Variants in DDX10 observed in about 807,000 individuals in gnomAD.
DDX10 encodes probable ATP-dependent RNA helicase DDX10.
A neutral mutation model predicts 104.3 loss-of-function variants in DDX10; 74 were observed. The ratio of observed to expected loss-of-function variants is 0.71; its 90% CI spans 0.59 to 0.86. The LOEUF (loss-of-function observed/expected upper bound fraction) is 0.86, where lower values mean the gene tolerates loss of function less well. DDX10 is among the 40% of genes least tolerant of loss of function. The probability of loss-of-function intolerance (pLI) is 0.00; values close to 1 mark genes in which losing one functional copy is unlikely to be tolerated. For missense variants in DDX10, 952 were observed against 1,040.0 expected (o/e 0.92, Z 1.16); for synonymous variants, 351 against 353.4 (o/e 0.99, Z 0.08).
chr11:108,852,178 C>T lies in DDX10; in HGVS notation c.2273C>T (p.Ala758Val). ...GAGAAAAGACTGAAAGAAAGGGAAGCCAGAAGAGAAGCCAACAAGAGACAA... is the reference window on the plus strand; with the variant it reads ...GAGAAAAGACTGAAAGAAAGGGAAGTCAGAAGAGAAGCCAACAAGAGACAA... Reference protein sequence around the residue: ...HREKRLKEREARREANKRQAK... With the variant: ...HREKRLKEREVRREANKRQAK... Residue 758 changes from alanine (A) to valine (V), a missense_variant, in exon 16 of 18, where the codon GCC becomes GTC. Physicochemically the swap from Ala to Val is moderately conservative, Grantham distance 64 (BLOSUM62 0). This residue lies in a region of DDX10 where 533 missense variants were observed against 534.1 expected (regional missense o/e 1.00). Coordinates refer to ENST00000322536, the MANE Select transcript of DDX10 (RefSeq NM_004398.4). The T allele has an allele frequency of 2.5e-6, 4 of 1,611,052 alleles. No individual in the cohort carries two copies. In the South Asian group the frequency reaches 4.4e-5, roughly 18 times the overall value.
At chr11:108,873,525 T>C (rs1258108342) in intron 16 of DDX10, among the ~76,000 whole-genome samples, 2 of 152,188 alleles carry the variant, frequency 1.3e-5, no homozygotes, top group African/African-American at 2.4e-5. Context: ...ATCTTTGTCT[T>C]GTAACATTGT....
intron 10 of DDX10, among the ~76,000 whole-genome samples, chr11:108,708,196 C>G (rs1274189389): frequency 3.5e-5 from 5 of 141,952 alleles, no homozygotes; most frequent in African/African-American, 1.4e-4. Context: ...TCCTCTATTC[C>G]TAGTTTACTG....
intron 16 of DDX10, among the ~76,000 whole-genome samples, chr11:108,892,454 C>G (rs1322067014): frequency 6.6e-6 from 1 of 152,100 alleles, no homozygotes; most frequent in East Asian, 1.9e-4. Context: ...TCCTTTATAG[C>G]ATCACAAACG....
At position 108,937,409 on chromosome 11, in the gene DDX10, TGG is replaced by T. The variant is rs561713791; in HGVS notation, c.2451-2834_2451-2833del. On this transcript the variant is annotated intron_variant, in intron 17 of 17. Transcript: ENST00000322536. Reference sequence around the variant, plus strand: ...CAATTTCTCGGATTATTTTGATGTTTGGGGTTTCAGAAAATTTAGAAATTCAG... The same window carrying T: ...CAATTTCTCGGATTATTTTGATGTTTGGTTTCAGAAAATTTAGAAATTCAG... Among the ~76,000 whole-genome samples the T allele has an allele frequency of 7.2e-5, 11 of 152,360 alleles. No individual in the cohort carries two copies. In the South Asian group the frequency reaches 2.3e-3, roughly 32 times the overall value.
intron 15 of DDX10, among the ~76,000 whole-genome samples, chr11:108,846,964 A>G (rs980925869): frequency 3.3e-5 from 5 of 152,206 alleles, no homozygotes; most frequent in Admixed American, 6.5e-5. Flanking sequence ...TGGATCATTT[A>G]GCAGCTTTAG....
intron 13 of DDX10, among the ~76,000 whole-genome samples, chr11:108,813,243 C>T (rs1294827593): frequency 6.6e-6 from 1 of 152,116 alleles, no homozygotes; most frequent in African/African-American, 2.4e-5. Context: ...CACTAATTCA[C>T]ATTTCTACTC....
chr11:108,751,983 C>T (rs190581749), intron 13 of DDX10, among the ~76,000 whole-genome samples: 2 of 152,124 alleles, frequency 1.3e-5, no homozygotes, highest in East Asian at 3.9e-4. Context: ...AGCTAGAGTT[C>T]TCTCCACCAT....
chr11:108,889,949 T>C (rs1403158762), intron 16 of DDX10, among the ~76,000 whole-genome samples: 2 of 152,236 alleles, frequency 1.3e-5, no homozygotes, highest in African/African-American at 4.8e-5. Flanking sequence ...AGGAATTTCA[T>C]TTCTTTTGTA....
chr11:108,884,376 C>T (rs560485659), intron 16 of DDX10, among the ~76,000 whole-genome samples: 1 of 152,262 alleles, frequency 6.6e-6, no homozygotes, highest in East Asian at 1.9e-4. Flanking sequence ...TGTTCTCCCC[C>T]AGTCTACATA....
intron 13 of DDX10, among the ~76,000 whole-genome samples, chr11:108,751,022 C>G (rs2094338095): frequency 6.9e-6 from 1 of 145,012 alleles, no homozygotes; most frequent in Non-Finnish European, 1.5e-5. Context: ...CTTCAAGCGA[C>G]CCTCCTGCCT....
At chr11:108,802,711 G>A (rs375051887) in intron 13 of DDX10, among the ~76,000 whole-genome samples, 5 of 152,240 alleles carry the variant, frequency 3.3e-5, no homozygotes, top group African/African-American at 1.2e-4. Flanking sequence ...AGACAGGTGT[G>A]TACTCTTATT....
intron 9 of DDX10, among the ~76,000 whole-genome samples, chr11:108,700,773 AT>A (rs1193403410): frequency 6.6e-6 from 1 of 152,024 alleles, no homozygotes; most frequent in Non-Finnish European, 1.5e-5. Flanking sequence ...GGTTAATTGT[AT>A]CTAACTCTTA....
At chr11:108,761,079 A>G (rs1291839934) in intron 13 of DDX10, among the ~76,000 whole-genome samples, 1 of 152,134 alleles carries the variant, frequency 6.6e-6, no homozygotes, top group East Asian at 1.9e-4. Context: ...ATAAAATGAA[A>G]ATAATTTTCG....
intron 16 of DDX10, among the ~76,000 whole-genome samples, chr11:108,911,507 G>A (rs1310337424): frequency 3.3e-5 from 5 of 150,422 alleles, no homozygotes; most frequent in African/African-American, 1.2e-4. Flanking sequence ...CATTCAGATA[G>A]GCTCTACTGT....
chr11:108,769,828 T>G (rs1407804024), intron 13 of DDX10, among the ~76,000 whole-genome samples: 2 of 152,190 alleles, frequency 1.3e-5, no homozygotes, highest in African/African-American at 4.8e-5. Flanking sequence ...CTATTGATAT[T>G]TACTGTATCA....
intron 16 of DDX10, among the ~76,000 whole-genome samples, chr11:108,917,354 A>G (rs1254279392): frequency 2.0e-5 from 3 of 152,198 alleles, no homozygotes; most frequent in East Asian, 1.9e-4. Context: ...TGAAACTTAC[A>G]TGTGTGGACA....
chr11:108,843,645 A>G (rs1032743792), intron 15 of DDX10, among the ~76,000 whole-genome samples: 16 of 151,826 alleles, frequency 1.1e-4, no homozygotes, highest in African/African-American at 3.9e-4. Context: ...AATCCCAGCT[A>G]CTCAGGAGGC....
At chr11:108,719,656 G>A in intron 11 of DDX10, 141 bp from the exon 12 acceptor site, 1 of 534,558 alleles carries the variant, frequency 1.9e-6, no homozygotes, top group Admixed American at 3.6e-5. Context: ...TTTCATGTGT[G>A]CATGGAATGG....
At chr11:108,895,160 T>C (rs892238030) in intron 16 of DDX10, among the ~76,000 whole-genome samples, 2 of 152,056 alleles carry the variant, frequency 1.3e-5, no homozygotes, top group Admixed American at 1.3e-4. Context: ...TTACAAATGC[T>C]TGGACAGTAA....
Sources: gnomAD v4.1 joint callset for allele counts (sites outside exome capture counted in the v4.1 genomes callset) on GRCh38, gnomAD v4.1.1 for gene constraint, gnomAD v4.1.1 regional missense constraint, MANE v1.5 for transcripts, NCBI Gene and HGNC (gene_info 2026-07-23, HGNC 2026-07-21) for gene names.